RAPGEF4: variants seen among roughly 807,000 people sequenced by gnomAD.
RAPGEF4 encodes RAP guanine-nucleotide-exchange factor (GEF) 4.
RAPGEF4 carries 66 observed loss-of-function variants against 147.9 expected under a neutral mutation model. That is an observed-to-expected ratio of 0.45 (90% CI 0.37 to 0.55). RAPGEF4 has a LOEUF of 0.55. Among genes scored for constraint, RAPGEF4 ranks in the 20% least tolerant of loss-of-function variants. The pLI, the probability that RAPGEF4 is intolerant of heterozygous loss-of-function variation, is 0.00. For synonymous variants in RAPGEF4, 419 were observed against 442.7 expected (o/e 0.95, Z 0.67); for missense variants, 1,071 against 1,257.3 (o/e 0.85, Z 2.24).
intron 6 of RAPGEF4, among the ~76,000 whole-genome samples, chr2:172,929,075 C>T (rs1685661715): frequency 6.6e-6 from 1 of 152,196 alleles, no homozygotes; most frequent in Admixed American, 6.5e-5. Context: ...GGGCTGCTAG[C>T]ATGTTATCTC....
chr2:172,811,885 G>A (rs1171738043), intron 3 of RAPGEF4, among the ~76,000 whole-genome samples: 2 of 152,180 alleles, frequency 1.3e-5, no homozygotes, highest in Non-Finnish European at 1.5e-5. Flanking sequence ...CACATTGCAA[G>A]GCCCTGCCTG....
intron 25 of RAPGEF4, among the ~76,000 whole-genome samples, chr2:173,028,062 G>A (rs1696833579): frequency 6.6e-6 from 1 of 152,164 alleles, no homozygotes; most frequent in East Asian, 1.9e-4. Flanking sequence ...AATCAAACAT[G>A]GAGTTTGATT....
intron 6 of RAPGEF4, among the ~76,000 whole-genome samples, chr2:172,929,059 T>C (rs1685659750): frequency 6.6e-6 from 1 of 152,236 alleles, no homozygotes; most frequent in Non-Finnish European, 1.5e-5. Context: ...CATCACCAGT[T>C]ACTTTGGGCT....
intron 4 of RAPGEF4, among the ~76,000 whole-genome samples, chr2:172,877,022 T>C (rs1476933040): frequency 1.3e-5 from 2 of 152,196 alleles, no homozygotes; most frequent in African/African-American, 4.8e-5. Flanking sequence ...GATTTTCTAG[T>C]TTATTTGCGT....
chr2:173,039,794 G>A (rs1329151714), intron 29 of RAPGEF4, among the ~76,000 whole-genome samples: 3 of 152,134 alleles, frequency 2.0e-5, no homozygotes, highest in Non-Finnish European at 4.4e-5. Flanking sequence ...GAAAGAGAAG[G>A]GAAGAAAGGA....
At chr2:172,767,487 C>T (rs1016168567) in intron 1 of RAPGEF4, among the ~76,000 whole-genome samples, 11 of 151,948 alleles carry the variant, frequency 7.2e-5, no homozygotes, top group Non-Finnish European at 1.5e-5. Context: ...CCTAAATACT[C>T]TGTTTTAAAA....
chr2:172,821,636 AC>A, intron 4 of RAPGEF4: 1 of 1,017,628 alleles, frequency 9.8e-7, no homozygotes, highest in Non-Finnish European at 1.2e-6. Flanking sequence ...TTATGTCTGC[AC>A]CAGGGTCTCA....
At chr2:172,979,231 C>T (rs1337745630) in intron 10 of RAPGEF4, among the ~76,000 whole-genome samples, 1 of 152,158 alleles carries the variant, frequency 6.6e-6, no homozygotes, top group South Asian at 2.1e-4. Flanking sequence ...CTTGCTTAAC[C>T]TCAGTGGGAA....
chr2:172,832,246 G>T (rs1690441026), intron 4 of RAPGEF4, among the ~76,000 whole-genome samples: 1 of 152,156 alleles, frequency 6.6e-6, no homozygotes, highest in Non-Finnish European at 1.5e-5. Flanking sequence ...ATCGTCTGAG[G>T]TAAGAGGTAG....
At chr2:172,981,779 A>G (rs1448120341) in intron 10 of RAPGEF4, among the ~76,000 whole-genome samples, 1 of 152,248 alleles carries the variant, frequency 6.6e-6, no homozygotes, top group Non-Finnish European at 1.5e-5. Context: ...GTGTTAGAAT[A>G]TGGTTGCAAA....
At chr2:172,795,791 G>A (rs1443211395) in intron 2 of RAPGEF4, among the ~76,000 whole-genome samples, 1 of 152,184 alleles carries the variant, frequency 6.6e-6, no homozygotes, top group Admixed American at 6.5e-5. Flanking sequence ...TTCAGGGTTG[G>A]TTAGTGAAGT....
At chr2:172,867,081 T>G (rs927235492) in intron 4 of RAPGEF4, among the ~76,000 whole-genome samples, 1 of 151,882 alleles carries the variant, frequency 6.6e-6, no homozygotes, top group African/African-American at 2.4e-5. Flanking sequence ...AAGCGATTCT[T>G]GTGTCTCAGT....
chr2:172,848,434 C>T (rs1692445189), intron 4 of RAPGEF4, among the ~76,000 whole-genome samples: 1 of 152,100 alleles, frequency 6.6e-6, no homozygotes, highest in Non-Finnish European at 1.5e-5. Context: ...TTTGGTTTAG[C>T]ATCCTTAATT....
Position 172,795,166 on chromosome 2 carries a change from A to G in RAPGEF4, c.207A>G (p.Thr69=), listed in dbSNP as rs769147220. The G allele has an allele frequency of 2.5e-6, 4 of 1,604,144 alleles. No homozygotes were observed. The highest frequency in any genetic ancestry group is 2.6e-6 in the Non-Finnish European group (3 of 1,171,646). The change falls in exon 2 of 31, where the codon ACA becomes ACG. Residue 69 remains threonine (T), a splice_region_variant and synonymous_variant. Coordinates refer to ENST00000397081, the MANE Select transcript of RAPGEF4 (RefSeq NM_007023.4). The part of the protein sequence containing the change: ...GYYENLEKGI[T]LFRQGDIGTN... The stretch of plus-strand genomic sequence containing the variant: ...ATGAGAATCTGGAAAAGGGAATAAC[A>G]TGTAAGAAATGCAACTCTTGTAGTA...
At chr2:172,972,639 A>T (rs1038516958) in intron 10 of RAPGEF4, among the ~76,000 whole-genome samples, 1 of 152,178 alleles carries the variant, frequency 6.6e-6, no homozygotes, top group Non-Finnish European at 1.5e-5. Flanking sequence ...GCCTCTCCCC[A>T]TGAAAGCAAT....
At chr2:172,990,644 C>G (rs1692736592) in intron 14 of RAPGEF4, among the ~76,000 whole-genome samples, 166 bp from the exon 15 acceptor site, 1 of 152,220 alleles carries the variant, frequency 6.6e-6, no homozygotes, top group Non-Finnish European at 1.5e-5. Flanking sequence ...CAAACCTCAT[C>G]TGGTCCTCTC....
chr2:172,856,736 T>C (rs142540376), intron 4 of RAPGEF4, among the ~76,000 whole-genome samples: 57 of 152,270 alleles, frequency 3.7e-4, no homozygotes, highest in Admixed American at 2.8e-3. Context: ...AGATCTCATG[T>C]AGTCAATCTG....
intron 4 of RAPGEF4, among the ~76,000 whole-genome samples, chr2:172,887,812 C>T (rs1462946879): frequency 6.6e-6 from 1 of 152,110 alleles, no homozygotes; most frequent in East Asian, 1.9e-4. Context: ...CCACTCTCCC[C>T]TTTCCTACTT....
At chr2:172,846,695 G>A (rs1405508202) in intron 4 of RAPGEF4, among the ~76,000 whole-genome samples, 1 of 152,182 alleles carries the variant, frequency 6.6e-6, no homozygotes, top group African/African-American at 2.4e-5. Context: ...ATATGGTCCT[G>A]CATTCTTGAG....
Sources: gnomAD v4.1 joint callset for allele counts (sites outside exome capture counted in the v4.1 genomes callset) on GRCh38, gnomAD v4.1.1 for gene constraint, MANE v1.5 for transcripts, NCBI Gene and HGNC (gene_info 2026-07-23, HGNC 2026-07-21) for gene names.